The following ITFG1 variants were observed in gnomAD, a reference collection of about 807,000 sequenced individuals.
ITFG1 encodes T-cell immunomodulatory protein.
A neutral mutation model predicts 81.8 loss-of-function variants in ITFG1; 34 were observed. The observed-to-expected ratio is 0.42, with a 90% confidence interval of 0.32 to 0.55. The LOEUF (loss-of-function observed/expected upper bound fraction) is 0.55. Among genes scored for constraint, ITFG1 ranks in the 20% least tolerant of loss-of-function variants. ITFG1 has a pLI of 0.17. For missense variants in ITFG1, 672 were observed against 755.4 expected (o/e 0.89, Z 1.29); for synonymous variants, 285 against 270.6 (o/e 1.05, Z -0.52).
chr16:47,297,852 C>G (rs1967007546), intron 10 of ITFG1, among the ~76,000 whole-genome samples: 1 of 151,834 alleles, frequency 6.6e-6, no homozygotes, highest in Non-Finnish European at 1.5e-5. Flanking sequence ...ATTTGCTGGG[C>G]CTCTTATATT....
chr16:47,262,690 T>A (rs1966225147), intron 10 of ITFG1: 1 of 152,264 alleles, frequency 6.6e-6, no homozygotes, highest in Non-Finnish European at 1.5e-5. Flanking sequence ...TATTCCTTCT[T>A]TTGCCCACAC....
intron 16 of ITFG1, chr16:47,161,543 T>C (rs1964805416): frequency 2.6e-6 from 1 of 385,406 alleles, no homozygotes; most frequent in South Asian, 7.2e-5. Flanking sequence ...CCTGTTTTTC[T>C]AATAGGATTG....
intron 4 of ITFG1, among the ~76,000 whole-genome samples, chr16:47,452,323 G>T (rs2151618856): frequency 6.6e-6 from 1 of 152,212 alleles, no homozygotes; most frequent in Non-Finnish European, 1.5e-5. Context: ...AGTCTACAGT[G>T]AGAATATAAA....
intron 6 of ITFG1, among the ~76,000 whole-genome samples, chr16:47,409,317 A>AT (rs1968769392): frequency 7.1e-6 from 1 of 140,410 alleles, no homozygotes; most frequent in East Asian, 2.2e-4. Flanking sequence ...CCAAAAAAAA[A>AT]ATCCAACTGG....
chr16:47,264,080 AT>A (rs1215736692), intron 10 of ITFG1, among the ~76,000 whole-genome samples: 3 of 152,106 alleles, frequency 2.0e-5, no homozygotes, highest in Admixed American at 6.5e-5. Flanking sequence ...TATCTTAAAC[AT>A]TTTTTTATTA....
chr16:47,348,074 C>T (rs1967886421), intron 8 of ITFG1, among the ~76,000 whole-genome samples: 1 of 152,142 alleles, frequency 6.6e-6, no homozygotes, highest in South Asian at 2.1e-4. Flanking sequence ...TCACCATCAT[C>T]AAAGACAAAA....
intron 8 of ITFG1, among the ~76,000 whole-genome samples, chr16:47,318,686 TTTA>T (rs1967403285): frequency 6.6e-6 from 1 of 152,152 alleles, no homozygotes; most frequent in Non-Finnish European, 1.5e-5. Flanking sequence ...GTTCAATATT[TTTA>T]TTAAGTTAAA....
At chr16:47,446,655 T>G (rs1969328226) in intron 5 of ITFG1, among the ~76,000 whole-genome samples, 1 of 152,098 alleles carries the variant, frequency 6.6e-6, no homozygotes, top group Non-Finnish European at 1.5e-5. Flanking sequence ...AGCTTAGGCC[T>G]CCAGACTGAT....
chr16:47,353,410 A>C (rs1967994034), intron 8 of ITFG1, among the ~76,000 whole-genome samples: 1 of 152,098 alleles, frequency 6.6e-6, no homozygotes, highest in Non-Finnish European at 1.5e-5. Flanking sequence ...AACACAATAA[A>C]AACCATATAT....
chr16:47,161,990 T>C (rs1964813599), intron 15 of ITFG1, among the ~76,000 whole-genome samples, 158 bp from the exon 16 acceptor site: 2 of 152,236 alleles, frequency 1.3e-5, no homozygotes, highest in Admixed American at 1.3e-4. Flanking sequence ...ATAAGGCTTT[T>C]GTGCCATCTG....
intron 6 of ITFG1, among the ~76,000 whole-genome samples, chr16:47,409,749 A>T (rs1216590582): frequency 7.9e-5 from 12 of 151,934 alleles, no homozygotes; most frequent in Non-Finnish European, 1.6e-4. Flanking sequence ...TGTTTTAAAA[A>T]ATCTTACATA....
intron 12 of ITFG1, among the ~76,000 whole-genome samples, chr16:47,238,676 T>C (rs913240268): frequency 1.3e-5 from 2 of 152,182 alleles, no homozygotes; most frequent in African/African-American, 4.8e-5. Flanking sequence ...CATTATATGC[T>C]ATCATTTTAA....
intron 10 of ITFG1, among the ~76,000 whole-genome samples, chr16:47,293,143 T>C (rs1966931327): frequency 6.8e-6 from 1 of 147,580 alleles, no homozygotes; most frequent in Admixed American, 6.8e-5. Flanking sequence ...ATAATATATA[T>C]CATATACAAG....
In ITFG1 at chr16:47,411,783, A is replaced by T. The variant is rs540320530; in HGVS notation, c.655+17021T>A. Among the ~76,000 whole-genome samples the T allele has an allele frequency of 1.4e-4, 22 of 152,292 alleles. No homozygotes were observed. The South Asian group carries it at 4.6e-3, about 32-fold the overall frequency. On this transcript the variant is annotated intron_variant, in intron 6 of 17. Transcript: ENST00000320640. ...CATACGGCCTGGGAACAGGTCTGGC[A>T]AGGAGGTCATCATTGCCACCCTAGT...
intron 7 of ITFG1, among the ~76,000 whole-genome samples, chr16:47,368,838 G>T (rs1477832297): frequency 6.6e-6 from 1 of 152,090 alleles, no homozygotes; most frequent in African/African-American, 2.4e-5. Flanking sequence ...CTTCTAAGAT[G>T]CCACTTTCAC....
chr16:47,175,270 A>G (rs780296450), intron 14 of ITFG1, among the ~76,000 whole-genome samples: 1 of 151,788 alleles, frequency 6.6e-6, no homozygotes, highest in Non-Finnish European at 1.5e-5. Context: ...AGGGTAGATA[A>G]TATTATTATC....
chr16:47,154,735 A>G lies in ITFG1; in HGVS notation c.*984T>C, dbSNP rs1011675325. 1 of 152,228 alleles carries G rather than the reference A, an allele frequency of 6.6e-6. No individual in the cohort carries two copies. Among genetic ancestry groups the G allele is most frequent in the African/African-American group, 2.4e-5 (1 of 41,464 alleles). 9.4% of individuals were successfully genotyped at this position (152,228 alleles called of 1,614,324 possible). ...ATTTGCATTCCCAGATGCTGCCTAC[A>G]GCAGTTTCCTTTCAAGAAATCAAAT... On this transcript the variant is annotated 3_prime_UTR_variant, in exon 18 of 18. Transcript: ENST00000320640.
intron 14 of ITFG1, among the ~76,000 whole-genome samples, chr16:47,187,503 C>A (rs1014587906): frequency 5.3e-5 from 8 of 152,236 alleles, no homozygotes; most frequent in Middle Eastern, 3.4e-3. Context: ...GAAAAACAAG[C>A]AATGGGGAAA....
intron 14 of ITFG1, among the ~76,000 whole-genome samples, chr16:47,200,517 T>C (rs984071017): frequency 6.6e-6 from 1 of 152,234 alleles, no homozygotes; most frequent in African/African-American, 2.4e-5. Flanking sequence ...TAGATATCAT[T>C]ACACTTGACG....
Sources: gnomAD v4.1 joint callset for allele counts (sites outside exome capture counted in the v4.1 genomes callset) on GRCh38, gnomAD v4.1.1 for gene constraint, MANE v1.5 for transcripts, NCBI Gene and HGNC (gene_info 2026-07-23, HGNC 2026-07-21) for gene names.